The following OXR1 variants were observed in gnomAD, a reference collection of about 807,000 sequenced individuals.
OXR1 encodes the protein oxidation resistance 1, also known as oxidation resistance protein 1.
Under a neutral mutation model 104.6 loss-of-function variants are expected in OXR1, and 41 were observed. The ratio of observed to expected loss-of-function variants is 0.39; its 90% confidence interval spans 0.31 to 0.51. The LOEUF (loss-of-function observed/expected upper bound fraction) is 0.51. OXR1 is among the 20% of genes least tolerant of loss of function. OXR1 has a pLI of 0.77. For missense variants in OXR1, 955 were observed against 1,031.9 expected, an observed-to-expected ratio of 0.93 and a Z score of 1.02; for synonymous variants, 348 against 348.4, an observed-to-expected ratio of 1.00 and a Z score of 0.01.
intron 2 of OXR1, among the ~76,000 whole-genome samples, chr8:106,404,078 G>C (rs752340173): frequency 6.0e-4 from 92 of 152,222 alleles, no homozygotes; most frequent in Middle Eastern, 3.4e-3. Flanking sequence ...GTGGTATAGG[G>C]TTTTCAGATG....
chr8:106,581,196 C>T (rs1321446711), intron 3 of OXR1: 5 of 1,285,630 alleles, frequency 3.9e-6, no homozygotes, highest in Non-Finnish European at 5.1e-6. Context: ...TGACAAACCA[C>T]TGCTGCAGAA....
intron 1 of OXR1, among the ~76,000 whole-genome samples, chr8:106,335,941 C>A (rs558759282): frequency 5.9e-5 from 9 of 152,010 alleles, no homozygotes; most frequent in Non-Finnish European, 1.3e-4. Context: ...ACCAAAAATA[C>A]AAAAATTAGC....
At chr8:106,618,006 C>CA (rs1821382121) in intron 3 of OXR1, 7 of 1,486,118 alleles carry the variant, frequency 4.7e-6, no homozygotes, top group Non-Finnish European at 6.2e-6. Flanking sequence ...ATCTTGCACA[C>CA]TGCCACCAGG....
intron 2 of OXR1, among the ~76,000 whole-genome samples, chr8:106,435,304 C>T (rs1819524868): frequency 2.0e-5 from 3 of 152,138 alleles, no homozygotes; most frequent in Admixed American, 2.0e-4. Flanking sequence ...AAGAGCTCTC[C>T]TTGGCAGCAA....
chr8:106,333,778 T>C (rs1422295874), intron 1 of OXR1, among the ~76,000 whole-genome samples: 1 of 152,134 alleles, frequency 6.6e-6, no homozygotes, highest in Non-Finnish European at 1.5e-5. Context: ...CATGGATATA[T>C]GAGTTTGTTT....
intron 2 of OXR1, among the ~76,000 whole-genome samples, chr8:106,500,082 A>T (rs1811685464): frequency 6.6e-6 from 1 of 152,224 alleles, no homozygotes; most frequent in African/African-American, 2.4e-5. Context: ...ACAAATCATC[A>T]TCAAGTGTAG....
At chr8:106,349,646 A>G (rs1394259384) in intron 1 of OXR1, among the ~76,000 whole-genome samples, 2 of 152,252 alleles carry the variant, frequency 1.3e-5, no homozygotes, top group Non-Finnish European at 2.9e-5. Flanking sequence ...AACTTTGAAC[A>G]ATATTACCAT....
At position 106,706,651 on chromosome 8, in the gene OXR1, A is replaced by T; in HGVS notation, c.1130A>T (p.Glu377Val). The change falls in exon 9 of 17, where the codon GAA becomes GTA. Residue 377 changes from glutamate to valine, a missense_variant. By Grantham distance (121) the Glu-to-Val change is moderately radical (BLOSUM62 -2). This residue lies in a region of OXR1 where 849 missense variants were observed against 852.9 expected (regional missense o/e 1.00). Transcript: ENST00000517566. ...TCTGTGCAAACTGTCAATCAGGCTG[A>T]AGTAGAAAGTCTGACAGTCAAATCA... is the stretch of plus-strand genomic sequence containing the variant. ...SESVQTVNQA[E>V]VESLTVKSES... 6.2e-7 allele frequency: 1 copy of T among 1,613,670 alleles called. No homozygotes were observed. Among genetic ancestry groups the T allele is most frequent in the Non-Finnish European group, 8.5e-7 (1 of 1,179,834 alleles).
intron 6 of OXR1, among the ~76,000 whole-genome samples, chr8:106,685,206 C>T (rs1828578622): frequency 6.6e-6 from 1 of 152,170 alleles, no homozygotes; most frequent in Non-Finnish European, 1.5e-5. Flanking sequence ...GTAGGTATTA[C>T]TTACCAAATG....
chr8:106,563,401 A>C (rs575221058), intron 3 of OXR1, among the ~76,000 whole-genome samples: 1 of 152,314 alleles, frequency 6.6e-6, no homozygotes, highest in South Asian at 2.1e-4. Flanking sequence ...GAAGGACACT[A>C]CATAATGATA....
At chr8:106,695,137 T>C (rs1451878761) in intron 7 of OXR1, among the ~76,000 whole-genome samples, 2 of 150,640 alleles carry the variant, frequency 1.3e-5, no homozygotes, top group Non-Finnish European at 3.0e-5. Context: ...ATAAACACAA[T>C]TCATTGTTAT....
intron 2 of OXR1, among the ~76,000 whole-genome samples, chr8:106,441,354 T>C (rs1447062576): frequency 1.3e-5 from 2 of 152,248 alleles, no homozygotes; most frequent in Non-Finnish European, 2.9e-5. Flanking sequence ...GGTGGCATGA[T>C]GCCTCCAGCT....
At chr8:106,642,867 C>T (rs1294559363) in intron 3 of OXR1, among the ~76,000 whole-genome samples, 1 of 152,162 alleles carries the variant, frequency 6.6e-6, no homozygotes, top group Non-Finnish European at 1.5e-5. Context: ...GGAGTCTGTA[C>T]CTTATCTTCT....
chr8:106,708,564 C>A (rs1362997322), intron 9 of OXR1, among the ~76,000 whole-genome samples: 1 of 152,176 alleles, frequency 6.6e-6, no homozygotes, highest in Non-Finnish European at 1.5e-5. Flanking sequence ...TTTCACTTGA[C>A]ATAATGCCTT....
intron 2 of OXR1, among the ~76,000 whole-genome samples, chr8:106,420,759 T>TGTGTGTGTGTGTGTGTGTG (rs1563513879): frequency 1.3e-5 from 2 of 151,538 alleles, no homozygotes; most frequent in African/African-American, 4.9e-5. Flanking sequence ...TGTGTGTGTG[T>TGTGTGTGTGTGTGTGTGTG]TAGTTACTAG....
chr8:106,675,870 A>G (rs1009856570), intron 3 of OXR1, among the ~76,000 whole-genome samples: 1 of 152,180 alleles, frequency 6.6e-6, no homozygotes. Flanking sequence ...TGATCTGTCT[A>G]ATATTGTCAG....
intron 2 of OXR1, among the ~76,000 whole-genome samples, chr8:106,387,212 T>C (rs1817412479): frequency 6.6e-6 from 1 of 152,260 alleles, no homozygotes. Context: ...TAATTATCCT[T>C]GAAGCATAAT....
intron 3 of OXR1, among the ~76,000 whole-genome samples, chr8:106,579,114 C>T (rs1246881706): frequency 6.6e-6 from 1 of 151,158 alleles, no homozygotes; most frequent in Non-Finnish European, 1.5e-5. Flanking sequence ...TCTAGCTGGA[C>T]TATTTTGATT....
In OXR1 at chr8:106,488,966, C is replaced by T. The variant is rs1473571546; in HGVS notation, c.24-29977C>T. 3.3e-5 allele frequency among the ~76,000 whole-genome samples: 5 copies of T among 150,502 alleles called. No homozygotes were observed. In the East Asian group the frequency reaches 9.7e-4, roughly 29 times the overall value. On this transcript the variant is annotated intron_variant, in intron 2 of 16. Transcript: ENST00000517566. The stretch of plus-strand genomic sequence containing the variant: ...TTTTTTCCAATTCTGTGAAGAAAGT[C>T]ATTGGTAGCTTGATAGGGATGGCAT...
Sources: allele counts gnomAD v4.1 joint callset (sites outside exome capture counted in the v4.1 genomes callset), GRCh38; gene constraint gnomAD v4.1.1; regional missense constraint gnomAD v4.1.1; transcripts MANE v1.5; gene names NCBI Gene and HGNC (gene_info 2026-07-23, HGNC 2026-07-21).